Variants in DLG2 observed in about 807,000 individuals in gnomAD.
DLG2 encodes disks large homolog 2.
A neutral mutation model predicts 132.5 loss-of-function variants in DLG2; 45 were observed. That is an observed-to-expected ratio of 0.34 (90% CI 0.27 to 0.44). The LOEUF is 0.44. DLG2 is among the 20% of genes least tolerant of loss of function. DLG2 has a pLI of 1.00. For missense variants in DLG2, 1,045 were observed against 1,196.9 expected, an observed-to-expected ratio of 0.87 and a Z score of 1.87; for synonymous variants, 424 against 419.6, an observed-to-expected ratio of 1.01 and a Z score of -0.13.
chr11:85,026,744 G>C (rs3862781), intron 6 of DLG2, among the ~76,000 whole-genome samples: 79,418 of 151,672 alleles, frequency 0.52, 21,277 homozygotes, highest in East Asian at 0.65. Context: ...GGCTGAGGCA[G>C]AAGAATGGCG....
intron 18 of DLG2, among the ~76,000 whole-genome samples, chr11:83,701,007 G>A (rs2082834353): frequency 6.6e-6 from 1 of 152,130 alleles, no homozygotes; most frequent in Admixed American, 6.6e-5. Context: ...ACATAGAAAA[G>A]CACCATTTTG....
At chr11:84,412,816 T>C (rs1192828055) in intron 7 of DLG2, among the ~76,000 whole-genome samples, 2 of 152,158 alleles carry the variant, frequency 1.3e-5, no homozygotes, top group Non-Finnish European at 2.9e-5. Context: ...TCTAGTGGCC[T>C]CTGTTCTGAG....
At chr11:84,037,962 CT>C (rs1269802746) in intron 11 of DLG2, among the ~76,000 whole-genome samples, 1 of 151,894 alleles carries the variant, frequency 6.6e-6, no homozygotes, top group Non-Finnish European at 1.5e-5. Context: ...TTTGTGTTTT[CT>C]TTTTTTCCTT....
intron 4 of DLG2, among the ~76,000 whole-genome samples, chr11:85,215,054 G>A (rs1422683214): frequency 6.6e-6 from 1 of 152,116 alleles, no homozygotes; most frequent in Non-Finnish European, 1.5e-5. Flanking sequence ...ACTAAGTTAA[G>A]AACGTGATTG....
At chr11:85,334,046 G>T (rs1474446414) in intron 3 of DLG2, among the ~76,000 whole-genome samples, 1 of 152,122 alleles carries the variant, frequency 6.6e-6, no homozygotes, top group African/African-American at 2.4e-5. Flanking sequence ...ATTCAGCTGT[G>T]AATCCATTTC....
intron 6 of DLG2, among the ~76,000 whole-genome samples, chr11:84,645,698 A>T (rs945595990): frequency 6.6e-6 from 1 of 152,024 alleles, no homozygotes. Flanking sequence ...CGATCTCCTG[A>T]CCTCGTGATC....
chr11:84,089,471 C>A, intron 10 of DLG2, among the ~76,000 whole-genome samples: 1 of 152,038 alleles, frequency 6.6e-6, no homozygotes, highest in East Asian at 1.9e-4. Context: ...AGTGGATATA[C>A]ATTAATGAAA....
chr11:84,129,923 T>C (rs1000263780), intron 9 of DLG2, among the ~76,000 whole-genome samples: 9 of 151,990 alleles, frequency 5.9e-5, no homozygotes, highest in African/African-American at 2.2e-4. Flanking sequence ...CATAAGACAA[T>C]TACCATATAG....
In DLG2 at chr11:84,373,265, C is replaced by CAAAAAAAAAAAAAAA. The variant is rs59038372; in HGVS notation, c.520-121975_520-121974insTTTTTTTTTTTTTTT. On this transcript the variant is annotated intron_variant, in intron 7 of 27. Transcript: ENST00000376104. ...AGAAACAGTCAAAAAAAAAAAAAAA[C>CAAAAAAAAAAAAAAA]AAAACAAAAAAAAAACCCACCAGGC... 9.2e-5 allele frequency among the ~76,000 whole-genome samples: 9 copies of CAAAAAAAAAAAAAAA among 98,088 alleles called. 1 individual carries two copies. Among genetic ancestry groups the CAAAAAAAAAAAAAAA allele is most frequent in the African/African-American group, 1.4e-4 (3 of 21,940 alleles). 64.3% of individuals were successfully genotyped at this position (98,088 alleles called of 152,430 possible).
At chr11:84,931,908 A>G (rs558076211) in intron 6 of DLG2, among the ~76,000 whole-genome samples, 1 of 152,282 alleles carries the variant, frequency 6.6e-6, no homozygotes, top group Non-Finnish European at 1.5e-5. Context: ...GGCTGCATAC[A>G]TGTCTTCTTT....
intron 3 of DLG2, among the ~76,000 whole-genome samples, chr11:85,382,297 G>A (rs61176772): frequency 0.048 from 7,255 of 151,888 alleles, 226 homozygotes; most frequent in East Asian, 0.096. Context: ...AATGTTTTGG[G>A]GACAATTGAA....
chr11:83,797,145 C>G (rs2043018748), intron 17 of DLG2, among the ~76,000 whole-genome samples: 1 of 151,766 alleles, frequency 6.6e-6, no homozygotes, highest in Non-Finnish European at 1.5e-5. Context: ...GCCTGCACAT[C>G]TGAAGAACAG....
At chr11:85,199,405 T>C (rs2081290749) in intron 4 of DLG2, among the ~76,000 whole-genome samples, 1 of 152,224 alleles carries the variant, frequency 6.6e-6, no homozygotes, top group African/African-American at 2.4e-5. Flanking sequence ...GTGAAGTGAT[T>C]CTAAAGATGC....
At chr11:83,830,185 G>A (rs942241588) in intron 17 of DLG2, among the ~76,000 whole-genome samples, 43 of 152,258 alleles carry the variant, frequency 2.8e-4, no homozygotes, top group African/African-American at 1.0e-3. Context: ...ACATAAAAAC[G>A]GATATGCTGT....
At chr11:83,944,416 A>G (rs1035973957) in intron 14 of DLG2, among the ~76,000 whole-genome samples, 16 of 152,218 alleles carry the variant, frequency 1.1e-4, no homozygotes, top group Non-Finnish European at 1.6e-4. Context: ...AATTAAACTG[A>G]GGGACAGATG....
intron 6 of DLG2, among the ~76,000 whole-genome samples, chr11:84,928,843 G>A (rs1466009130): frequency 6.7e-6 from 1 of 150,322 alleles, no homozygotes; most frequent in Non-Finnish European, 1.5e-5. Context: ...TTATATACCT[G>A]GAAGTGTATA....
At chr11:84,191,246 G>T (rs568191055) in intron 8 of DLG2, among the ~76,000 whole-genome samples, 2 of 152,106 alleles carry the variant, frequency 1.3e-5, no homozygotes, top group East Asian at 3.9e-4. Flanking sequence ...ATTTATATCA[G>T]AAATTTTAAT....
chr11:83,733,975 C>T (rs2091468220), intron 18 of DLG2, among the ~76,000 whole-genome samples: 1 of 147,780 alleles, frequency 6.8e-6, no homozygotes, highest in African/African-American at 2.5e-5. Flanking sequence ...TGTATGTCCA[C>T]ATGCACACAT....
chr11:85,488,579 TGA>T (rs2093485084), intron 3 of DLG2, among the ~76,000 whole-genome samples: 1 of 152,122 alleles, frequency 6.6e-6, no homozygotes, highest in African/African-American at 2.4e-5. Flanking sequence ...AAATTCAAAC[TGA>T]GAGACTGAAT....
Sources: allele counts gnomAD v4.1 joint callset (sites outside exome capture counted in the v4.1 genomes callset), GRCh38; gene constraint gnomAD v4.1.1; transcripts MANE v1.5; gene names NCBI Gene and HGNC (gene_info 2026-07-23, HGNC 2026-07-21).